The following PPARD variants were observed in gnomAD, a reference collection of about 807,000 sequenced individuals.
PPARD encodes the protein peroxisome proliferator activated receptor delta, also known as peroxisome proliferator-activated receptor delta.
Under a neutral mutation model 39.5 loss-of-function variants are expected in PPARD, and 6 were observed. The observed-to-expected ratio is 0.15, with a 90% CI of 0.08 to 0.30. The LOEUF (loss-of-function observed/expected upper bound fraction) is 0.30, where lower values mean the gene tolerates loss of function less well. Among genes scored for constraint, PPARD ranks in the 10% least tolerant of loss-of-function variants. The pLI is 1.00. For synonymous variants in PPARD, 210 were observed against 231.3 expected, an observed-to-expected ratio of 0.91 and a Z score of 0.83; for missense variants, 397 against 596.8, an observed-to-expected ratio of 0.67 and a Z score of 3.49.
At chr6:35,368,939 C>T (rs745735783) in intron 2 of PPARD, among the ~76,000 whole-genome samples, 1 of 152,154 alleles carries the variant, frequency 6.6e-6, no homozygotes, top group Non-Finnish European at 1.5e-5. Context: ...CTTTGCTTGG[C>T]TGTCTGGTTG....
At chr6:35,411,259 C>T in intron 3 of PPARD, 42 bp downstream of exon 3, 2 of 1,430,786 alleles carry the variant, frequency 1.4e-6, no homozygotes, top group Non-Finnish European at 1.8e-6. Flanking sequence ...AGAGGAGGCA[C>T]AGCCCAGTGC....
chr6:35,380,472 GTTT>G (rs1763082505), intron 2 of PPARD, among the ~76,000 whole-genome samples: 1 of 31,322 alleles, frequency 3.2e-5, no homozygotes, highest in African/African-American at 7.1e-5. Flanking sequence ...TTTTTTTTTT[GTTT>G]GTTTTTTTTT....
chr6:35,374,162 C>G (rs1334671087), intron 2 of PPARD, among the ~76,000 whole-genome samples: 1 of 152,056 alleles, frequency 6.6e-6, no homozygotes, highest in Non-Finnish European at 1.5e-5. Context: ...AGCTTTTCCA[C>G]TCTGTACATG....
chr6:35,373,268 A>G (rs567909240), intron 2 of PPARD, among the ~76,000 whole-genome samples: 29 of 152,324 alleles, frequency 1.9e-4, no homozygotes, highest in African/African-American at 6.3e-4. Flanking sequence ...AAACCATAGC[A>G]ATGTCTTATA....
rs1275911715 is a variant in PPARD at position 35,427,474 on chromosome 6, A to G, written c.*1395A>G. 3 of 152,458 alleles carry G rather than the reference A, an allele frequency of 2.0e-5. No homozygotes were observed. The highest frequency in any genetic ancestry group is 2.0e-4 in the Admixed American group (3 of 15,276). 9.4% of individuals were successfully genotyped at this position (152,458 alleles called of 1,614,324 possible). On this transcript the variant is annotated 3_prime_UTR_variant, in exon 8 of 8. Transcript: ENST00000360694. ...GTTCATTCTGATGTCCATTTGTCCC[A>G]ATAGCTCTACTGCCCTCCCCTTCCC...
intron 2 of PPARD, among the ~76,000 whole-genome samples, chr6:35,402,112 C>T (rs941112724): frequency 1.3e-5 from 2 of 152,290 alleles, no homozygotes; most frequent in Non-Finnish European, 1.5e-5. Context: ...CCCCTTCCCC[C>T]GACCAACCCC....
At chr6:35,348,809 G>C (rs780946331) in intron 2 of PPARD, 1 of 985,438 alleles carries the variant, frequency 1.0e-6, no homozygotes, top group Non-Finnish European at 1.2e-6. Context: ...AAGAAGGGGG[G>C]AGTTTCAGAG....
At chr6:35,350,614 T>A (rs1232113297) in intron 2 of PPARD, among the ~76,000 whole-genome samples, 2 of 132,846 alleles carry the variant, frequency 1.5e-5, no homozygotes, top group Non-Finnish European at 3.2e-5. Context: ...CTATGTGTCT[T>A]TTTTTTTTTT....
chr6:35,352,790 C>G (rs1314816446), intron 2 of PPARD, among the ~76,000 whole-genome samples: 1 of 152,186 alleles, frequency 6.6e-6, no homozygotes, highest in East Asian at 1.9e-4. Flanking sequence ...TTGGGCTTCT[C>G]ATAGCATGAG....
intron 3 of PPARD, among the ~76,000 whole-genome samples, chr6:35,418,228 G>T (rs1765903033): frequency 6.6e-6 from 1 of 152,258 alleles, no homozygotes. Context: ...AGGAGGAAGT[G>T]CCAGAAACCC....
chr6:35,400,810 A>AG (rs1764653281), intron 2 of PPARD, among the ~76,000 whole-genome samples: 1 of 151,284 alleles, frequency 6.6e-6, no homozygotes, highest in Admixed American at 6.6e-5. Flanking sequence ...AAAAAAAAAA[A>AG]GAAAAGAAAA....
At position 35,342,686 on chromosome 6, in the gene PPARD, G is replaced by T. The variant is rs1000223218; in HGVS notation, c.-186+5G>T. 5 of 152,702 alleles carry T rather than the reference G, an allele frequency of 3.3e-5. No individual in the cohort carries two copies. Among genetic ancestry groups the T allele is most frequent in the Non-Finnish European group, 7.3e-5 (5 of 68,422 alleles). 9.5% of individuals were successfully genotyped at this position (152,702 alleles called of 1,614,324 possible). A position where few individuals can be genotyped will look rare whatever the true frequency, so the allele number is the denominator to read the frequency against. On this transcript the variant is annotated splice_donor_5th_base_variant and intron_variant, in intron 1 of 7. Coordinates refer to ENST00000360694, the MANE Select transcript of PPARD (RefSeq NM_006238.5). The stretch of plus-strand genomic sequence containing the variant: ...CGCCGTAGGCAGCCGGGACAGGTCA[G>T]TCCGAGACGAGAGAAGCGGTCAGGC...
At chr6:35,413,071 C>T (rs889997928) in intron 3 of PPARD, among the ~76,000 whole-genome samples, 1 of 152,220 alleles carries the variant, frequency 6.6e-6, no homozygotes, top group African/African-American at 2.4e-5. Flanking sequence ...ACATCTGAGC[C>T]CAGGCAGATG....
chr6:35,381,911 A>G (rs1763175329), intron 2 of PPARD, among the ~76,000 whole-genome samples: 1 of 152,210 alleles, frequency 6.6e-6, no homozygotes, highest in East Asian at 1.9e-4. Flanking sequence ...ATAAGTAAAC[A>G]AGTACAGTAC....
chr6:35,384,282 G>C, intron 2 of PPARD, among the ~76,000 whole-genome samples: 1 of 134,800 alleles, frequency 7.4e-6, no homozygotes. Context: ...CCCCCGCCAG[G>C]CCAGCCGCCC....
At chr6:35,399,817 C>T (rs1764583081) in intron 2 of PPARD, among the ~76,000 whole-genome samples, 1 of 152,200 alleles carries the variant, frequency 6.6e-6, no homozygotes, top group Non-Finnish European at 1.5e-5. Flanking sequence ...GTATTTTTCA[C>T]TTATGTTATT....
chr6:35,390,259 C>T (rs567052967), intron 2 of PPARD, among the ~76,000 whole-genome samples: 89 of 152,332 alleles, frequency 5.8e-4, no homozygotes, highest in African/African-American at 2.1e-3. Flanking sequence ...TCTTATGTGC[C>T]CTCCATCACA....
At chr6:35,355,183 A>AT (rs1007951790) in intron 2 of PPARD, among the ~76,000 whole-genome samples, 12 of 150,528 alleles carry the variant, frequency 8.0e-5, no homozygotes, top group East Asian at 3.9e-4. Flanking sequence ...GCAGCACCCC[A>AT]TTTTTTTTTC....
At chr6:35,392,637 A>G (rs1764079029) in intron 2 of PPARD, among the ~76,000 whole-genome samples, 1 of 152,002 alleles carries the variant, frequency 6.6e-6, no homozygotes, top group Admixed American at 6.5e-5. Flanking sequence ...CAAGCAGGTC[A>G]TTGTGGGTGG....
Sources: allele counts gnomAD v4.1 joint callset (sites outside exome capture counted in the v4.1 genomes callset), GRCh38; gene constraint gnomAD v4.1.1; transcripts MANE v1.5; gene names NCBI Gene and HGNC (gene_info 2026-07-23, HGNC 2026-07-21).